The following PSD3 variants were observed in gnomAD, a reference collection of about 807,000 sequenced individuals.
PSD3 encodes pleckstrin and Sec7 domain containing 3, also known as PH and SEC7 domain-containing protein 3.
A neutral mutation model predicts 105.5 loss-of-function variants in PSD3; 49 were observed. The ratio of observed to expected loss-of-function variants is 0.46; its 90% CI spans 0.37 to 0.59. The LOEUF (loss-of-function observed/expected upper bound fraction) is 0.59, where lower values mean the gene tolerates loss of function less well. PSD3 is among the 20% of genes least tolerant of loss of function. PSD3 has a pLI of 0.00. For missense variants in PSD3, 1,561 were observed against 1,263.8 expected (o/e 1.24, Z -3.57); for synonymous variants, 557 against 457.8 (o/e 1.22, Z -2.77).
At chr8:18,722,037 G>C (rs1489187557) in intron 9 of PSD3, among the ~76,000 whole-genome samples, 1 of 151,924 alleles carries the variant, frequency 6.6e-6, no homozygotes, top group Non-Finnish European at 1.5e-5. Flanking sequence ...AACTGGTGCA[G>C]ACATACAGAC....
In PSD3 at chr8:18,707,583, T is replaced by C. The variant is rs75475216; in HGVS notation, c.2173-51898A>G. 5.5e-3 allele frequency among the ~76,000 whole-genome samples: 832 copies of C among 152,276 alleles called. 4 individuals carry two copies. The highest frequency in any genetic ancestry group is 8.6e-3 in the Non-Finnish European group (586 of 68,026). The stretch of plus-strand genomic sequence containing the variant: ...AAAGTGCAAGACTATGAGATAGATA[T>C]TATCATCACTCCCATGTTCCAGATG... On this transcript the variant is annotated intron_variant, in intron 9 of 15. Coordinates refer to ENST00000327040, the MANE Select transcript of PSD3 (RefSeq NM_015310.4).
At chr8:19,021,450 T>C (rs1827358136) in intron 1 of PSD3, among the ~76,000 whole-genome samples, 1 of 152,178 alleles carries the variant, frequency 6.6e-6, no homozygotes, top group Non-Finnish European at 1.5e-5. Context: ...CCAATTTTTT[T>C]TTTGCATAAA....
intron 2 of PSD3, among the ~76,000 whole-genome samples, chr8:18,913,688 T>C (rs1200729896): frequency 6.6e-6 from 1 of 152,150 alleles, no homozygotes; most frequent in Non-Finnish European, 1.5e-5. Flanking sequence ...GATCTAGGCC[T>C]GCCCCCAGTG....
intron 1 of PSD3, among the ~76,000 whole-genome samples, chr8:18,975,457 G>A (rs981193889): frequency 2.6e-5 from 4 of 152,064 alleles, no homozygotes; most frequent in African/African-American, 7.2e-5. Context: ...GCAGAAGAGC[G>A]TTTGTAGCCG....
intron 1 of PSD3, among the ~76,000 whole-genome samples, chr8:19,050,963 G>A (rs544903128): frequency 2.4e-4 from 36 of 152,272 alleles, no homozygotes; most frequent in Non-Finnish European, 4.1e-4. Flanking sequence ...GCCTCAGAAA[G>A]GAAAGAGAGT....
chr8:18,680,456 G>A (rs893252531), intron 9 of PSD3, among the ~76,000 whole-genome samples: 5 of 152,168 alleles, frequency 3.3e-5, no homozygotes, highest in Admixed American at 1.3e-4. Context: ...CCCCCTCATG[G>A]CCAGAAGCCT....
intron 1 of PSD3, among the ~76,000 whole-genome samples, chr8:18,963,099 G>C (rs1242484114): frequency 6.6e-6 from 1 of 152,160 alleles, no homozygotes; most frequent in Non-Finnish European, 1.5e-5. Context: ...AGCGGCAAGA[G>C]AAAATGAGGA....
At chr8:18,640,416 T>C (rs1807559564) in intron 10 of PSD3, among the ~76,000 whole-genome samples, 1 of 152,150 alleles carries the variant, frequency 6.6e-6, no homozygotes, top group African/African-American at 2.4e-5. Flanking sequence ...TCCCCATGTG[T>C]CATGGGAGGG....
chr8:18,987,532 CCG>C (rs1256907554), intron 1 of PSD3, among the ~76,000 whole-genome samples: 7 of 152,040 alleles, frequency 4.6e-5, no homozygotes, highest in Admixed American at 3.9e-4. Flanking sequence ...CGTGATCCAC[CCG>C]CCTCGGCCTC....
chr8:18,590,842 C>T (rs929040625), intron 12 of PSD3, among the ~76,000 whole-genome samples: 1 of 151,944 alleles, frequency 6.6e-6, no homozygotes, highest in Non-Finnish European at 1.5e-5. Context: ...TCACAGTCAC[C>T]AAATACCAGA....
chr8:18,773,804 A>AT (rs1438947483), intron 8 of PSD3, among the ~76,000 whole-genome samples: 1 of 152,138 alleles, frequency 6.6e-6, no homozygotes, highest in Non-Finnish European at 1.5e-5. Context: ...GTGAACTTGG[A>AT]TTTTCACAGT....
At chr8:18,910,362 T>C (rs1470447315) in intron 2 of PSD3, among the ~76,000 whole-genome samples, 2 of 132,190 alleles carry the variant, frequency 1.5e-5, no homozygotes, top group African/African-American at 5.8e-5. Flanking sequence ...TTGGAAACCA[T>C]CATTCTCAGT....
intron 8 of PSD3, 151 bp downstream of exon 8, chr8:18,799,144 T>C (rs890605788): frequency 4.3e-6 from 3 of 690,716 alleles, no homozygotes; most frequent in African/African-American, 1.8e-5. Context: ...AAAAAAATTA[T>C]TTCTTTTTTC....
intron 9 of PSD3, among the ~76,000 whole-genome samples, chr8:18,760,608 T>G (rs896085378): frequency 6.6e-6 from 1 of 152,270 alleles, no homozygotes; most frequent in Non-Finnish European, 1.5e-5. Flanking sequence ...CCACTGTGCA[T>G]ATCTACCACA....
At chr8:18,956,158 G>A (rs1823560521) in intron 1 of PSD3, among the ~76,000 whole-genome samples, 1 of 152,206 alleles carries the variant, frequency 6.6e-6, no homozygotes, top group South Asian at 2.1e-4. Context: ...ATGATTTAAG[G>A]AAAGGCAGAT....
At chr8:18,814,822 G>A (rs181745992) in intron 4 of PSD3, among the ~76,000 whole-genome samples, 2 of 152,066 alleles carry the variant, frequency 1.3e-5, no homozygotes, top group Non-Finnish European at 2.9e-5. Flanking sequence ...GATGCCATTG[G>A]ACATTCTCTT....
At chr8:18,873,622 T>A (rs1354121857) in intron 2 of PSD3, among the ~76,000 whole-genome samples, 3 of 152,210 alleles carry the variant, frequency 2.0e-5, no homozygotes. Flanking sequence ...TTTTCAAGTA[T>A]ACAATACATT....
chr8:18,867,978 G>C lies in PSD3; in HGVS notation c.1330C>G (p.Gln444Glu), dbSNP rs1206681190. 1 of 1,614,180 alleles carries C rather than the reference G, an allele frequency of 6.2e-7. No individual in the cohort carries two copies. Among genetic ancestry groups the C allele is most frequent in the South Asian group, 1.1e-5 (1 of 91,086 alleles). The change falls in exon 4 of 16, where the codon CAG (glutamine) becomes GAG (glutamate). Residue 444 changes from glutamine to glutamate, a missense_variant. By Grantham distance (29) the Gln-to-Glu change is conservative. Coordinates refer to ENST00000327040, the MANE Select transcript of PSD3 (RefSeq NM_015310.4). Reference protein sequence around the residue: ...TEDSTDVYSSQFETILDNTSL... With the variant: ...TEDSTDVYSSEFETILDNTSL... ...GTGTTGTCCAAAATGGTTTCAAACT[G>C]GGAGCTGTACACGTCGGTGGAGTCC...
At chr8:18,888,475 T>C (rs966203347) in intron 2 of PSD3, among the ~76,000 whole-genome samples, 10 of 151,448 alleles carry the variant, frequency 6.6e-5, no homozygotes, top group Non-Finnish European at 1.2e-4. Flanking sequence ...TGAGCCTCAA[T>C]TTCCATCTGA....
Sources: allele counts gnomAD v4.1 joint callset (sites outside exome capture counted in the v4.1 genomes callset), GRCh38; gene constraint gnomAD v4.1.1; transcripts MANE v1.5; gene names NCBI Gene and HGNC (gene_info 2026-07-23, HGNC 2026-07-21).